DPF3: variants seen among roughly 807,000 people sequenced by gnomAD.
DPF3 encodes zinc finger protein DPF3.
A neutral mutation model predicts 56.8 loss-of-function variants in DPF3; 18 were observed. The observed-to-expected ratio is 0.32, with a 90% confidence interval of 0.22 to 0.47. The LOEUF (loss-of-function observed/expected upper bound fraction) is 0.47, where lower values mean the gene tolerates loss of function less well. Ranked by LOEUF, DPF3 falls within the 20% of genes least tolerant of loss-of-function variation. The pLI, the probability that DPF3 is intolerant of heterozygous loss-of-function variation, is 1.00. For missense variants in DPF3, 403 were observed against 488.8 expected, an observed-to-expected ratio of 0.82 and a Z score of 1.65; for synonymous variants, 188 against 180.2, an observed-to-expected ratio of 1.04 and a Z score of -0.35.
intron 1 of DPF3, among the ~76,000 whole-genome samples, chr14:72,885,557 C>G (rs941102339): frequency 6.6e-6 from 1 of 151,994 alleles, no homozygotes; most frequent in African/African-American, 2.4e-5. Flanking sequence ...GTGTACACCA[C>G]CACACCCGGC....
chr14:72,740,163 G>A (rs1344398978), intron 3 of DPF3, among the ~76,000 whole-genome samples: 3 of 152,186 alleles, frequency 2.0e-5, no homozygotes, highest in African/African-American at 4.8e-5. Context: ...CCTGGAGCAC[G>A]GTGAGCCAGG....
At chr14:72,692,921 C>A in intron 7 of DPF3, among the ~76,000 whole-genome samples, 155 bp downstream of exon 7, 1 of 152,202 alleles carries the variant, frequency 6.6e-6, no homozygotes, top group Admixed American at 6.5e-5. Flanking sequence ...GGGCAGCTGG[C>A]TGGCTGGCTG....
intron 1 of DPF3, among the ~76,000 whole-genome samples, chr14:72,851,618 A>C (rs1884986977): frequency 6.6e-6 from 1 of 152,232 alleles, no homozygotes; most frequent in Admixed American, 6.5e-5. Context: ...CTACACGGAT[A>C]AAGCTTTTTT....
At chr14:72,893,256 G>A (rs976780474) in intron 1 of DPF3, among the ~76,000 whole-genome samples, 3 of 152,074 alleles carry the variant, frequency 2.0e-5, no homozygotes, top group African/African-American at 7.2e-5. Flanking sequence ...CTCACCCAGA[G>A]GTGGCGAGAA....
At chr14:72,848,692 G>C (rs941663209) in intron 1 of DPF3, among the ~76,000 whole-genome samples, 1 of 152,306 alleles carries the variant, frequency 6.6e-6, no homozygotes, top group African/African-American at 2.4e-5. Context: ...TACTCAAGCT[G>C]TGCAGGTGTC....
chr14:72,816,188 G>C (rs1883276317), intron 1 of DPF3, among the ~76,000 whole-genome samples: 1 of 152,266 alleles, frequency 6.6e-6, no homozygotes, highest in Admixed American at 6.5e-5. Flanking sequence ...TCCCACCCTT[G>C]TACACTGCAC....
rs947609501 is a variant in DPF3 at position 72,613,285 on chromosome 14, G to A, written c.*6012C>T. On this transcript the variant is annotated 3_prime_UTR_variant, in exon 11 of 11. Coordinates refer to ENST00000556509, the MANE Select transcript of DPF3 (RefSeq NM_001280542.3). ...GCCCTCCCGTCCCCACCATGGCCGC[G>A]TTTATTTGCTAGACAGGGTTGGTGC... 2.0e-5 allele frequency among the ~76,000 whole-genome samples: 3 copies of A among 152,088 alleles called. No homozygotes were observed. The highest frequency in any genetic ancestry group is 6.5e-5 in the Admixed American group (1 of 15,276).
intron 1 of DPF3, among the ~76,000 whole-genome samples, chr14:72,814,074 G>T (rs1045475332): frequency 6.6e-6 from 1 of 152,060 alleles, no homozygotes; most frequent in African/African-American, 2.4e-5. Flanking sequence ...TGTTTAGCAG[G>T]GCCACTTTTT....
At chr14:72,704,966 T>C (rs529586084) in intron 6 of DPF3, among the ~76,000 whole-genome samples, 53 of 152,330 alleles carry the variant, frequency 3.5e-4, no homozygotes, top group African/African-American at 1.3e-3. Flanking sequence ...CTTTCCTCCC[T>C]GAACACCGAA....
Position 72,624,333 on chromosome 14 carries a change from C to CTTTTTTT in DPF3, c.985-4356_985-4350dup, listed in dbSNP as rs55820708. Reference sequence around the variant, plus strand: ...TTCTCCAGTTTTCCCACCTATGTCTCTTTTTTTTTTTTTTTTTTTTTCTGA... The same window carrying CTTTTTTT: ...TTCTCCAGTTTTCCCACCTATGTCTCTTTTTTTTTTTTTTTTTTTTTTTTTTTTCTGA... On this transcript the variant is annotated intron_variant, in intron 9 of 10. Coordinates refer to ENST00000556509, the MANE Select transcript of DPF3 (RefSeq NM_001280542.3). Among the ~76,000 whole-genome samples, 36 of 97,794 alleles carry CTTTTTTT rather than the reference C, an allele frequency of 3.7e-4. 1 individual carries two copies. The highest frequency in any genetic ancestry group is 5.8e-4 in the Non-Finnish European group (30 of 52,130). The allele number at this position is 97,794 out of a possible 152,430, so 64.2% of individuals were successfully genotyped here.
intron 6 of DPF3, among the ~76,000 whole-genome samples, chr14:72,705,945 A>T (rs1567206418): frequency 1.3e-5 from 2 of 152,184 alleles, no homozygotes; most frequent in Non-Finnish European, 2.9e-5. Flanking sequence ...GAGAGAAAAA[A>T]AAAGAGAGAG....
intron 8 of DPF3, among the ~76,000 whole-genome samples, chr14:72,641,482 C>T (rs908662556): frequency 2.0e-5 from 3 of 152,212 alleles, no homozygotes; most frequent in African/African-American, 7.2e-5. Flanking sequence ...TTCTTTCTGA[C>T]CTTGGATCGA....
At chr14:72,649,370 A>G (rs1478735086) in intron 8 of DPF3, among the ~76,000 whole-genome samples, 1 of 152,072 alleles carries the variant, frequency 6.6e-6, no homozygotes, top group Non-Finnish European at 1.5e-5. Context: ...GTTGAATGGC[A>G]CCAGCTTTAG....
chr14:72,797,095 A>G (rs1163862277), intron 1 of DPF3, among the ~76,000 whole-genome samples: 1 of 152,230 alleles, frequency 6.6e-6, no homozygotes, highest in Non-Finnish European at 1.5e-5. Context: ...AGATTACACC[A>G]GTTCCAAGCT....
chr14:72,612,346 C>A lies in DPF3; in HGVS notation c.*6951G>T, dbSNP rs1168325032. On this transcript the variant is annotated 3_prime_UTR_variant, in exon 11 of 11. Transcript: ENST00000556509. ...GCCTACCTACCCCGCCTCTCTCCAG[C>A]CACCTGCTCCCCACCTCCTCTGCTC... The A allele has an allele frequency of 2.3e-6, 1 of 441,788 alleles. No homozygotes were observed. The highest frequency in any genetic ancestry group is 5.6e-5 in the East Asian group (1 of 17,712). 27.4% of individuals were successfully genotyped at this position (441,788 alleles called of 1,614,324 possible).
At chr14:72,800,539 T>G (rs1892839490) in intron 1 of DPF3, among the ~76,000 whole-genome samples, 1 of 151,678 alleles carries the variant, frequency 6.6e-6, no homozygotes, top group South Asian at 2.1e-4. Flanking sequence ...GATGGATGGA[T>G]GCACAGATGG....
At chr14:72,857,555 A>C (rs561949698) in intron 1 of DPF3, among the ~76,000 whole-genome samples, 1 of 152,034 alleles carries the variant, frequency 6.6e-6, no homozygotes, top group Non-Finnish European at 1.5e-5. Flanking sequence ...CACCTAGTAC[A>C]TGCTAGGAAG....
chr14:72,647,508 A>C (rs1163894871), intron 8 of DPF3, among the ~76,000 whole-genome samples: 1 of 152,212 alleles, frequency 6.6e-6, no homozygotes, highest in Non-Finnish European at 1.5e-5. Context: ...TCCCCAAGAT[A>C]AGATCTTTTA....
intron 8 of DPF3, among the ~76,000 whole-genome samples, chr14:72,659,286 T>A (rs1308062983): frequency 6.6e-6 from 1 of 152,234 alleles, no homozygotes; most frequent in East Asian, 1.9e-4. Context: ...GGTAACTACA[T>A]GTTTCCGAGT....
Sources: allele counts gnomAD v4.1 joint callset (sites outside exome capture counted in the v4.1 genomes callset), GRCh38; gene constraint gnomAD v4.1.1; transcripts MANE v1.5; gene names NCBI Gene and HGNC (gene_info 2026-07-23, HGNC 2026-07-21).